The following SEMA3A variants were observed in gnomAD, a reference collection of about 807,000 sequenced individuals.
SEMA3A encodes the protein semaphorin-3A.
Under a neutral mutation model 97.9 loss-of-function variants are expected in SEMA3A, and 29 were observed. The ratio of observed to expected loss-of-function variants is 0.30; its 90% CI spans 0.22 to 0.40. The LOEUF (loss-of-function observed/expected upper bound fraction) is 0.40, where lower values mean the gene tolerates loss of function less well. SEMA3A is among the 10% of genes least tolerant of loss of function. The probability of loss-of-function intolerance (pLI) is 1.00; values close to 1 mark genes in which losing one functional copy is unlikely to be tolerated. For synonymous variants in SEMA3A, 321 were observed against 323.7 expected (o/e 0.99, Z 0.09); for missense variants, 763 against 951.3 (o/e 0.80, Z 2.60).
intron 1 of SEMA3A, among the ~76,000 whole-genome samples, chr7:84,185,863 T>A (rs993948540): frequency 6.6e-6 from 1 of 152,026 alleles, no homozygotes; most frequent in African/African-American, 2.4e-5. Flanking sequence ...TGGTAAGAAA[T>A]AACCCTGCTT....
At chr7:84,452,796 G>T (rs1805591141) in intron 1 of SEMA3A, among the ~76,000 whole-genome samples, 1 of 152,148 alleles carries the variant, frequency 6.6e-6, no homozygotes, top group Non-Finnish European at 1.5e-5. Flanking sequence ...TGGATGCAAA[G>T]TTCATCTGTC....
chr7:84,001,904 G>T, intron 12 of SEMA3A, 51 bp downstream of exon 12: 1 of 1,268,214 alleles, frequency 7.9e-7, no homozygotes, highest in East Asian at 2.3e-5. Context: ...CTGTCCTGGG[G>T]GAAAGACGTA....
chr7:83,961,870 A>C, intron 16 of SEMA3A, 44 bp from the exon 17 acceptor site: 1 of 1,409,878 alleles, frequency 7.1e-7, no homozygotes, highest in East Asian at 2.4e-5. Flanking sequence ...ACATATTTAA[A>C]AGAAATAGAA....
At chr7:84,432,030 G>T (rs1047182874) in intron 1 of SEMA3A, among the ~76,000 whole-genome samples, 1 of 152,000 alleles carries the variant, frequency 6.6e-6, no homozygotes, top group African/African-American at 2.4e-5. Flanking sequence ...AAAGAAGGGA[G>T]ACTGTGGATT....
At chr7:84,215,845 T>A (rs1244730383) in intron 3 of SEMA3A, among the ~76,000 whole-genome samples, 1 of 152,180 alleles carries the variant, frequency 6.6e-6, no homozygotes, top group East Asian at 1.9e-4. Flanking sequence ...TTCTAGGTCA[T>A]GTGGAAAATA....
intron 2 of SEMA3A, among the ~76,000 whole-genome samples, chr7:84,351,066 TAC>T (rs149149582): frequency 0.28 from 40,463 of 145,946 alleles, 5,724 homozygotes; most frequent in South Asian, 0.38. Context: ...TACACATGCA[TAC>T]ACACACACAC....
intron 6 of SEMA3A, among the ~76,000 whole-genome samples, chr7:84,043,744 C>T (rs894975418): frequency 6.6e-6 from 1 of 151,892 alleles, no homozygotes; most frequent in African/African-American, 2.4e-5. Context: ...TTTTTTGCAC[C>T]CTGTCAGATG....
Position 84,219,816 on chromosome 7 carries a change from ATGAAAATGGC to A in SEMA3A, c.-82-25158_-82-25149del, listed in dbSNP as rs61636967. On this transcript the variant is annotated intron_variant, in intron 3 of 3. Coordinates refer to the SEMA3A transcript ENST00000424555. ...CTGCTTCAACTTGCACTTTTATGTTATGAAAATGGCTGCTTTTCTAAACCGCATGAACCAA... is the reference window on the plus strand; with the variant it reads ...CTGCTTCAACTTGCACTTTTATGTTATGCTTTTCTAAACCGCATGAACCAA... Among the ~76,000 whole-genome samples, 1,939 of 152,204 alleles carry A rather than the reference ATGAAAATGGC, an allele frequency of 0.013. 62 individuals carry two copies. The East Asian group carries it at 0.14, about 11-fold the overall frequency.
intron 3 of SEMA3A, among the ~76,000 whole-genome samples, chr7:84,118,228 G>A (rs1795493025): frequency 6.6e-6 from 1 of 152,158 alleles, no homozygotes; most frequent in African/African-American, 2.4e-5. Flanking sequence ...TGAAAGCCTA[G>A]TCCTCTGGCA....
At chr7:84,241,726 G>A (rs990259874) in intron 3 of SEMA3A, among the ~76,000 whole-genome samples, 1 of 152,146 alleles carries the variant, frequency 6.6e-6, no homozygotes, top group Non-Finnish European at 1.5e-5. Context: ...GAATGGTATT[G>A]CCTAGGTTTT....
At chr7:84,374,031 C>T (rs1020758457) in intron 1 of SEMA3A, among the ~76,000 whole-genome samples, 1 of 152,114 alleles carries the variant, frequency 6.6e-6, no homozygotes, top group Admixed American at 6.5e-5. Context: ...AAAGCATGGT[C>T]AACAAGGCCT....
At chr7:84,046,954 G>T (rs1041342045) in intron 5 of SEMA3A, among the ~76,000 whole-genome samples, 2 of 151,806 alleles carry the variant, frequency 1.3e-5, no homozygotes, top group Non-Finnish European at 2.9e-5. Flanking sequence ...ATGAGATTTT[G>T]CTATGATTTA....
intron 3 of SEMA3A, among the ~76,000 whole-genome samples, chr7:84,232,611 T>C (rs1799141010): frequency 6.6e-6 from 1 of 151,944 alleles, no homozygotes; most frequent in African/African-American, 2.4e-5. Flanking sequence ...TATTCTTTTC[T>C]TCATTTTAAC....
chr7:83,981,086 G>C (rs1789394808), intron 14 of SEMA3A, among the ~76,000 whole-genome samples: 1 of 152,106 alleles, frequency 6.6e-6, no homozygotes, highest in South Asian at 2.1e-4. Context: ...TTGGTCTAAA[G>C]GGACAAGACT....
At chr7:84,105,194 C>A (rs1795072237) in intron 4 of SEMA3A, among the ~76,000 whole-genome samples, 1 of 152,156 alleles carries the variant, frequency 6.6e-6, no homozygotes, top group Non-Finnish European at 1.5e-5. Flanking sequence ...CAGTTCCGTA[C>A]CAATTCGTAG....
chr7:84,395,938 G>A (rs1179427921), intron 1 of SEMA3A, among the ~76,000 whole-genome samples: 1 of 152,052 alleles, frequency 6.6e-6, no homozygotes, highest in Non-Finnish European at 1.5e-5. Flanking sequence ...GAAATCTAGT[G>A]GAAGTTTTAG....
chr7:84,183,747 G>A (rs994869237), intron 1 of SEMA3A, among the ~76,000 whole-genome samples: 2 of 151,876 alleles, frequency 1.3e-5, no homozygotes, highest in Admixed American at 6.6e-5. Flanking sequence ...ATATAAAAAC[G>A]CAATAACTCT....
At chr7:84,465,760 A>G (rs934808256) in intron 1 of SEMA3A, among the ~76,000 whole-genome samples, 1 of 152,116 alleles carries the variant, frequency 6.6e-6, no homozygotes, top group African/African-American at 2.4e-5. Context: ...CCTCCTAAAT[A>G]TCTACCAAAT....
At chr7:84,413,663 C>T (rs1338626645) in intron 1 of SEMA3A, among the ~76,000 whole-genome samples, 1 of 151,760 alleles carries the variant, frequency 6.6e-6, no homozygotes, top group East Asian at 1.9e-4. Context: ...CAAAAAAACA[C>T]AAAACTTAGT....
Sources: gnomAD v4.1 joint callset for allele counts (sites outside exome capture counted in the v4.1 genomes callset) on GRCh38, gnomAD v4.1.1 for gene constraint, MANE v1.5 for transcripts, NCBI Gene and HGNC (gene_info 2026-07-23, HGNC 2026-07-21) for gene names.